The following METTL21A variants were observed in gnomAD, a reference collection of about 807,000 sequenced individuals.
The protein encoded by METTL21A is protein N-lysine methyltransferase METTL21A.
METTL21A carries 22 observed loss-of-function variants against 20.9 expected under a neutral mutation model. The ratio of observed to expected loss-of-function variants is 1.05; its 90% CI spans 0.75 to 1.50. The LOEUF is 1.50. METTL21A is among the 40% of genes most tolerant of loss of function. The pLI, the probability that METTL21A is intolerant of heterozygous loss-of-function variation, is 0.00. For missense variants in METTL21A, 271 were observed against 266.8 expected (o/e 1.02, Z -0.11); for synonymous variants, 93 against 102.0 (o/e 0.91, Z 0.53).
chr2:207,619,852 C>T (rs910619390), intron 3 of METTL21A, among the ~76,000 whole-genome samples: 5 of 152,154 alleles, frequency 3.3e-5, no homozygotes, highest in African/African-American at 4.8e-5. Flanking sequence ...ATGTTATACA[C>T]GCAATCTCAT....
intron 3 of METTL21A, chr2:207,599,644 TTGAAGA>T (rs2086714419): frequency 5.0e-6 from 1 of 200,732 alleles, no homozygotes; most frequent in Non-Finnish European, 1.0e-5. Flanking sequence ...TTGGTGAAAC[TTGAAGA>T]TTTCAGTTTA....
chr2:207,620,413 A>C (rs867031234), intron 3 of METTL21A, among the ~76,000 whole-genome samples: 1 of 152,042 alleles, frequency 6.6e-6, no homozygotes, highest in Non-Finnish European at 1.5e-5. Flanking sequence ...ACTGCACTCC[A>C]GCCTGGGCAA....
intron 1 of METTL21A, 94 bp from the exon 2 acceptor site, chr2:207,624,498 T>G (rs2090888225): frequency 1.1e-5 from 13 of 1,147,566 alleles, no homozygotes; most frequent in Admixed American, 3.5e-5. Flanking sequence ...CGTTTACAAG[T>G]TCAAAAGAAA....
chr2:207,604,558 A>G (rs1474651325), downstream of METTL21A, among the ~76,000 whole-genome samples: 1 of 152,236 alleles, frequency 6.6e-6, no homozygotes, highest in Non-Finnish European at 1.5e-5. Context: ...ATGGAAAGGA[A>G]GGATAATGTC....
exon 4 of METTL21A, chr2:207,581,951 G>A (rs1293830311): frequency 2.8e-6 from 2 of 702,438 alleles, no homozygotes; most frequent in South Asian, 1.5e-5. Flanking sequence ...TGTTTTCTAT[G>A]GATAGATTGA....
At chr2:207,606,736 G>A (rs2088176180), downstream of METTL21A, among the ~76,000 whole-genome samples, 1 of 152,120 alleles carries the variant, frequency 6.6e-6, no homozygotes. Context: ...ACTATTAAGT[G>A]AAGTCCTATA....
chr2:207,582,833 C>A, intron 3 of METTL21A: 1 of 329,800 alleles, frequency 3.0e-6, no homozygotes, highest in Non-Finnish European at 6.1e-6. Flanking sequence ...GTGGAAGTTG[C>A]AGTGAGCTGA....
intron 3 of METTL21A, chr2:207,600,238 CATATATATATATAT>C (rs71036937): frequency 6.2e-5 from 9 of 145,172 alleles, no homozygotes; most frequent in African/African-American, 2.1e-4. Flanking sequence ...TATATGTGTA[CATATATATATATAT>C]ATATATATAT....
rs1298718882 is a variant in METTL21A, at chr2:207,599,977, TTAA to T, written c.260-17820_260-17818del. ...GTGGCACTTTTATCTATAGGACAGA[TTAA>T]TAAAAATGAAGTGGGGAGGGGTTTA... On this transcript the variant is annotated intron_variant, in intron 3 of 3. Transcript: ENST00000425132. 232 of 192,506 alleles carry T rather than the reference TTAA, an allele frequency of 1.2e-3. 1 individual carries two copies. The highest frequency in any genetic ancestry group is 5.0e-3 in the African/African-American group (218 of 43,214). The allele number at this position is 192,506 out of a possible 1,614,324, so 11.9% of individuals were successfully genotyped here.
chr2:207,582,918 A>AAATAT (rs1553505582), intron 3 of METTL21A: 3 of 258,362 alleles, frequency 1.2e-5, no homozygotes, highest in Non-Finnish European at 1.6e-5. Flanking sequence ...AACAAAAAAA[A>AAATAT]ATATATATAT....
chr2:207,595,002 T>C (rs2106636773), intron 3 of METTL21A, among the ~76,000 whole-genome samples: 1 of 150,054 alleles, frequency 6.7e-6, no homozygotes, highest in African/African-American at 2.5e-5. Flanking sequence ...TTTTTTTTTT[T>C]TTTTTTTTTT....
exon 4 of METTL21A, chr2:207,612,863 TA>T: frequency 3.6e-6 from 2 of 560,884 alleles, no homozygotes; most frequent in Non-Finnish European, 6.0e-6. Context: ...AAAGTCTGAC[TA>T]AAAATCACAG....
chr2:207,580,824 G>A (rs990160002), downstream of METTL21A: 2 of 221,910 alleles, frequency 9.0e-6, no homozygotes, highest in African/African-American at 2.2e-5. Flanking sequence ...TCTCCTTCAT[G>A]TGCCCATCTG....
intron 3 of METTL21A, among the ~76,000 whole-genome samples, chr2:207,590,024 T>C (rs1343845175): frequency 4.0e-5 from 6 of 151,868 alleles, no homozygotes; most frequent in Non-Finnish European, 1.5e-5. Context: ...TTAAGCCTTA[T>C]ATGGTTGGTA....
At chr2:207,604,724 C>T (rs2087782417), downstream of METTL21A, among the ~76,000 whole-genome samples, 1 of 152,164 alleles carries the variant, frequency 6.6e-6, no homozygotes, top group Admixed American at 6.5e-5. Context: ...AAGTAAAGTC[C>T]CGTTACTCTC....
intron 3 of METTL21A, among the ~76,000 whole-genome samples, chr2:207,617,697 T>C (rs2089959624): frequency 6.6e-6 from 1 of 152,156 alleles, no homozygotes; most frequent in African/African-American, 2.4e-5. Flanking sequence ...CTGACAGCTA[T>C]TGAGAAAATA....
exon 3 of METTL21A, chr2:207,621,872 T>C (rs2090519854): frequency 6.2e-7 from 1 of 1,614,148 alleles, no homozygotes; most frequent in Non-Finnish European, 8.5e-7. Flanking sequence ...GAGCGGCCCC[T>C]GAGCTCCACA....
intron 3 of METTL21A, chr2:207,601,814 G>T (rs747510073): frequency 7.3e-5 from 16 of 219,278 alleles, no homozygotes; most frequent in Non-Finnish European, 1.4e-4. Flanking sequence ...AGAGTTGTGA[G>T]ATAAATAGTT....
intron 3 of METTL21A, among the ~76,000 whole-genome samples, chr2:207,585,995 T>G (rs376740239): frequency 2.6e-5 from 4 of 152,126 alleles, no homozygotes; most frequent in African/African-American, 2.4e-5. Flanking sequence ...GAGAGAGAGA[T>G]ATATATCCAG....
Sources: allele counts gnomAD v4.1 joint callset (sites outside exome capture counted in the v4.1 genomes callset), GRCh38; gene constraint gnomAD v4.1.1; transcripts MANE v1.5; gene names NCBI Gene and HGNC (gene_info 2026-07-23, HGNC 2026-07-21).